Variants in KATNAL1 observed in about 807,000 individuals in gnomAD.
KATNAL1 encodes the protein katanin catalytic subunit A1 like 1, also known as katanin p60 ATPase-containing subunit A-like 1.
In KATNAL1, 32 loss-of-function variants were observed where a neutral mutation model predicts 55.2. The ratio of observed to expected loss-of-function variants is 0.58; its 90% confidence interval spans 0.44 to 0.78. The LOEUF (loss-of-function observed/expected upper bound fraction) is 0.78, where lower values mean the gene tolerates loss of function less well. Ranked by LOEUF, KATNAL1 falls within the 30% of genes least tolerant of loss-of-function variation. The pLI is 0.00. For synonymous variants in KATNAL1, 193 were observed against 193.6 expected (o/e 1.00, Z 0.02); for missense variants, 466 against 600.9 (o/e 0.78, Z 2.35).
rs142968163 is a variant in KATNAL1 at position 30,235,394 on chromosome 13, A to T, written c.727-3922T>A. Reference sequence around the variant, plus strand: ...AAACAGCCAGTTCTCATGAGAATGAACAGAGTAAGAACTTGCTCATTACCA... The same window carrying T: ...AAACAGCCAGTTCTCATGAGAATGATCAGAGTAAGAACTTGCTCATTACCA... On this transcript the variant is annotated intron_variant, in intron 6 of 10. Transcript: ENST00000380615. 1.1e-3 allele frequency among the ~76,000 whole-genome samples: 167 copies of T among 152,314 alleles called. 1 individual carries two copies. Among genetic ancestry groups the T allele is most frequent in the African/African-American group, 3.8e-3 (156 of 41,572 alleles).
intron 3 of KATNAL1, among the ~76,000 whole-genome samples, chr13:30,277,986 A>AAAG (rs1471775416): frequency 4.6e-5 from 4 of 86,120 alleles, no homozygotes; most frequent in African/African-American, 1.7e-4. Context: ...CCGTCTCAAA[A>AAAG]AAAAAAAAAA....
At chr13:30,250,103 A>G (rs1878161894) in intron 4 of KATNAL1, among the ~76,000 whole-genome samples, 1 of 152,204 alleles carries the variant, frequency 6.6e-6, no homozygotes, top group Non-Finnish European at 1.5e-5. Context: ...ACTCATCTCA[A>G]CTATGAGTTC....
At chr13:30,263,121 CAT>C (rs1879446668) in intron 3 of KATNAL1, among the ~76,000 whole-genome samples, 1 of 152,138 alleles carries the variant, frequency 6.6e-6, no homozygotes, top group Non-Finnish European at 1.5e-5. Flanking sequence ...ACAAAAACCA[CAT>C]GATTATCTCA....
chr13:30,265,778 A>C (rs1047622083), intron 3 of KATNAL1, among the ~76,000 whole-genome samples: 8 of 150,410 alleles, frequency 5.3e-5, no homozygotes, highest in Non-Finnish European at 1.2e-4. Flanking sequence ...TGGGAGGCTG[A>C]GGCGGGCAGA....
intron 4 of KATNAL1, among the ~76,000 whole-genome samples, chr13:30,243,229 A>G (rs1173693713): frequency 6.6e-6 from 1 of 152,194 alleles, no homozygotes; most frequent in Non-Finnish European, 1.5e-5. Flanking sequence ...AAAATTTCCC[A>G]TATCAAGAAA....
At chr13:30,269,071 C>A (rs1219548046) in intron 3 of KATNAL1, among the ~76,000 whole-genome samples, 2 of 152,072 alleles carry the variant, frequency 1.3e-5, no homozygotes, top group Non-Finnish European at 2.9e-5. Flanking sequence ...TCCCTCTCCC[C>A]CTCCCCCTCT....
intron 3 of KATNAL1, among the ~76,000 whole-genome samples, chr13:30,275,942 A>G (rs1342992598): frequency 6.6e-6 from 1 of 152,218 alleles, no homozygotes; most frequent in Non-Finnish European, 1.5e-5. Flanking sequence ...ACCATGTTGA[A>G]TACTGCTGCA....
chr13:30,303,260 A>G (rs1882973792), intron 1 of KATNAL1, among the ~76,000 whole-genome samples: 1 of 152,116 alleles, frequency 6.6e-6, no homozygotes, highest in Admixed American at 6.5e-5. Context: ...TTGAAAAACT[A>G]CTCCATTTTT....
At chr13:30,260,067 G>T (rs897517297) in intron 3 of KATNAL1, among the ~76,000 whole-genome samples, 1 of 152,106 alleles carries the variant, frequency 6.6e-6, no homozygotes, top group African/African-American at 2.4e-5. Flanking sequence ...CCCTGACCCC[G>T]ACCCCCCAGC....
At chr13:30,232,681 A>T (rs879475642) in intron 6 of KATNAL1, among the ~76,000 whole-genome samples, 2 of 152,148 alleles carry the variant, frequency 1.3e-5, no homozygotes, top group Non-Finnish European at 2.9e-5. Context: ...TTAATTTCTA[A>T]CATTAGCAGC....
At chr13:30,274,205 A>G (rs1260794688) in intron 3 of KATNAL1, among the ~76,000 whole-genome samples, 2 of 152,228 alleles carry the variant, frequency 1.3e-5, no homozygotes, top group African/African-American at 4.8e-5. Flanking sequence ...TCCCAGGAAA[A>G]TAACTGAGCC....
intron 3 of KATNAL1, among the ~76,000 whole-genome samples, chr13:30,271,296 GGACAAGAACCTGT>G (rs1346944660): frequency 4.6e-5 from 7 of 152,198 alleles, no homozygotes; most frequent in African/African-American, 1.7e-4. Context: ...GGTAGGGCTA[GGACAAGAACCTGT>G]TCTTGCACTG....
In KATNAL1 at chr13:30,208,208, A is replaced by G. The variant is rs1407262390; in HGVS notation, c.*332T>C. On this transcript the variant is annotated 3_prime_UTR_variant, in exon 11 of 11. Coordinates refer to ENST00000380615, the MANE Select transcript of KATNAL1 (RefSeq NM_032116.5). ...CACAGAATTGGAAAAAAAAACTGCAAATGAGAAATAGGGGTATTTCTAAAT... is the reference window on the plus strand; with the variant it reads ...CACAGAATTGGAAAAAAAAACTGCAGATGAGAAATAGGGGTATTTCTAAAT... 1 of 180,484 alleles carries G rather than the reference A, an allele frequency of 5.5e-6. No homozygotes were observed. The highest frequency in any genetic ancestry group is 2.4e-5 in the African/African-American group (1 of 42,452). 11.2% of individuals were successfully genotyped at this position (180,484 alleles called of 1,614,324 possible). A position where few individuals can be genotyped will look rare whatever the true frequency, so the allele number is the denominator to read the frequency against.
Position 30,280,098 on chromosome 13 carries a change from A to T in KATNAL1, c.288T>A (p.Pro96=). 14 of 1,612,850 alleles carry T rather than the reference A, an allele frequency of 8.7e-6. No individual in the cohort carries two copies. The highest frequency in any genetic ancestry group is 1.1e-5 in the Non-Finnish European group (13 of 1,179,550). The change falls in exon 3 of 11, where the codon CCT becomes CCA. Residue 96 remains proline, a synonymous_variant. Transcript: ENST00000380615. ...VSCQDEPFRD[P]AVWPPPVPAE... ...CAGGAACAGGGGGTGGCCAAACAGC[A>T]GGATCTCTAAATGGTTCATCTTGAC...
chr13:30,205,959 T>TGC lies in KATNAL1; in HGVS notation c.*2580_*2581insGC, dbSNP rs1336630972. 1 of 64,920 alleles carries TGC rather than the reference T, an allele frequency of 1.5e-5. No homozygotes were observed. The highest frequency in any genetic ancestry group is 4.6e-5 in the Non-Finnish European group (1 of 21,798). The allele number at this position is 64,920 out of a possible 1,614,324, so 4.0% of individuals were successfully genotyped here. A position where few individuals can be genotyped will look rare whatever the true frequency, so the allele number is the denominator to read the frequency against. On this transcript the variant is annotated 3_prime_UTR_variant, in exon 11 of 11. Coordinates refer to ENST00000380615, the MANE Select transcript of KATNAL1 (RefSeq NM_032116.5). Reference sequence around the variant, plus strand: ...GTGTGTGTGTGTGTGTGTGTGTGTGTGTGTGTGTGTGTGTGTGTGTGTGTT... The same window carrying TGC: ...GTGTGTGTGTGTGTGTGTGTGTGTGTGCGTGTGTGTGTGTGTGTGTGTGTGTT...
chr13:30,301,661 C>T (rs898800005), intron 1 of KATNAL1, among the ~76,000 whole-genome samples: 3 of 152,112 alleles, frequency 2.0e-5, no homozygotes, highest in Non-Finnish European at 4.4e-5. Context: ...CCTCCTGGCT[C>T]ATTACAATTT....
chr13:30,258,441 A>G (rs761756568), intron 3 of KATNAL1, among the ~76,000 whole-genome samples: 1 of 151,738 alleles, frequency 6.6e-6, no homozygotes, highest in Non-Finnish European at 1.5e-5. Context: ...TCTTTTCTTT[A>G]TTTTTGCATT....
intron 9 of KATNAL1, among the ~76,000 whole-genome samples, chr13:30,225,909 A>G (rs1875419873): frequency 6.6e-6 from 1 of 152,202 alleles, no homozygotes; most frequent in African/African-American, 2.4e-5. Context: ...AAATATGCAC[A>G]ATGCACAGAT....
At position 30,255,633 on chromosome 13, in the gene KATNAL1, A is replaced by C. The variant is rs1878716611; in HGVS notation, c.324-18T>G. ...GTGGAGCTCTGACAAAAAAAAAAAA[A>C]AAAAAATTAAAATTAAAATTAAAAT... On this transcript the variant is annotated intron_variant, in intron 3 of 10. Transcript: ENST00000380615. The C allele has an allele frequency of 1.4e-6, 2 of 1,394,050 alleles. No individual in the cohort carries two copies. The highest frequency in any genetic ancestry group is 5.2e-5 in the East Asian group (2 of 38,524). 86.4% of individuals were successfully genotyped at this position (1,394,050 alleles called of 1,614,324 possible). A position where few individuals can be genotyped will look rare whatever the true frequency, so the allele number is the denominator to read the frequency against.
Sources: gnomAD v4.1 joint callset for allele counts (sites outside exome capture counted in the v4.1 genomes callset) on GRCh38, gnomAD v4.1.1 for gene constraint, MANE v1.5 for transcripts, NCBI Gene and HGNC (gene_info 2026-07-23, HGNC 2026-07-21) for gene names.